The following MICU2 variants were observed in gnomAD, a reference collection of about 807,000 sequenced individuals.
The protein encoded by MICU2 is calcium uptake protein 2, mitochondrial.
In MICU2, 64 loss-of-function variants were observed where a neutral mutation model predicts 60.4. The ratio of observed to expected loss-of-function variants is 1.06; its 90% CI spans 0.87 to 1.31. The LOEUF (loss-of-function observed/expected upper bound fraction) is 1.31, where lower values mean the gene tolerates loss of function less well. Ranked by LOEUF, MICU2 falls within the 50% of genes most tolerant of loss-of-function variation. MICU2 has a pLI of 0.00. For synonymous variants in MICU2, 201 were observed against 175.0 expected, an observed-to-expected ratio of 1.15 and a Z score of -1.17; for missense variants, 569 against 531.0, an observed-to-expected ratio of 1.07 and a Z score of -0.70.
intron 1 of MICU2, among the ~76,000 whole-genome samples, chr13:21,600,048 A>G (rs932902469): frequency 4.6e-5 from 7 of 152,236 alleles, no homozygotes; most frequent in Non-Finnish European, 7.3e-5. Flanking sequence ...AATTTTGTCA[A>G]TGAAAACAAA....
At chr13:21,551,714 T>C (rs2138019609) in intron 2 of MICU2, among the ~76,000 whole-genome samples, 1 of 151,782 alleles carries the variant, frequency 6.6e-6, no homozygotes, top group Non-Finnish European at 1.5e-5. Flanking sequence ...TGCGATAGTT[T>C]GCTGAGAATG....
At chr13:21,507,665 G>A (rs538875273) in intron 8 of MICU2, among the ~76,000 whole-genome samples, 56 of 149,646 alleles carry the variant, frequency 3.7e-4, no homozygotes, top group Middle Eastern at 3.4e-3. Context: ...GTGCAGTGGC[G>A]CAGTCTTGGC....
intron 1 of MICU2, among the ~76,000 whole-genome samples, chr13:21,568,309 A>G (rs2138041794): frequency 6.6e-6 from 1 of 152,320 alleles, no homozygotes; most frequent in South Asian, 2.1e-4. Context: ...TTCCTTGAGC[A>G]GCTAGTTTTA....
intron 1 of MICU2, among the ~76,000 whole-genome samples, chr13:21,575,092 A>T (rs984148244): frequency 6.6e-6 from 1 of 152,200 alleles, no homozygotes; most frequent in Non-Finnish European, 1.5e-5. Context: ...ACTTTGTCCC[A>T]GAGACTGGAA....
chr13:21,560,905 G>T (rs1157468991), intron 2 of MICU2, among the ~76,000 whole-genome samples: 1 of 152,150 alleles, frequency 6.6e-6, no homozygotes, highest in Non-Finnish European at 1.5e-5. Flanking sequence ...GACTGGTCCT[G>T]TAAGGTTTTA....
intron 2 of MICU2, among the ~76,000 whole-genome samples, chr13:21,547,231 T>G (rs1887438615): frequency 6.6e-6 from 1 of 152,180 alleles, no homozygotes; most frequent in African/African-American, 2.4e-5. Context: ...AGGCTCCACT[T>G]TTGATGGGGA....
At chr13:21,519,846 T>G (rs1357861895) in intron 6 of MICU2, among the ~76,000 whole-genome samples, 2 of 152,224 alleles carry the variant, frequency 1.3e-5, no homozygotes, top group African/African-American at 4.8e-5. Flanking sequence ...GGATTTGGAA[T>G]CAATTTGTAT....
At chr13:21,572,035 T>A (rs750273217) in intron 1 of MICU2, among the ~76,000 whole-genome samples, 1 of 152,194 alleles carries the variant, frequency 6.6e-6, no homozygotes, top group Non-Finnish European at 1.5e-5. Flanking sequence ...GATTCAGCAC[T>A]CTTAATCTAC....
Position 21,573,159 on chromosome 13 carries a change from T to C in MICU2, c.211-6215A>G, listed in dbSNP as rs948931407. On this transcript the variant is annotated intron_variant, in intron 1 of 11. Transcript: ENST00000382374. Reference sequence around the variant, plus strand: ...AATAGAGCTGTGAGTGGAGACGTAGTCTTTCAGAAAAATAAAGGTAGACAG... The same window carrying C: ...AATAGAGCTGTGAGTGGAGACGTAGCCTTTCAGAAAAATAAAGGTAGACAG... Among the ~76,000 whole-genome samples the C allele has an allele frequency of 3.9e-5, 6 of 152,356 alleles. No individual in the cohort carries two copies. The East Asian group carries it at 9.6e-4, about 24-fold the overall frequency.
chr13:21,600,550 T>C (rs551705694), intron 1 of MICU2, among the ~76,000 whole-genome samples: 1 of 152,202 alleles, frequency 6.6e-6, no homozygotes, highest in Non-Finnish European at 1.5e-5. Flanking sequence ...CCTGGCATAT[T>C]GTCTAGCACA....
intron 2 of MICU2, among the ~76,000 whole-genome samples, chr13:21,542,591 C>G (rs559658146): frequency 6.6e-6 from 1 of 152,154 alleles, no homozygotes; most frequent in South Asian, 2.1e-4. Flanking sequence ...GAAAAAAGAT[C>G]TAGAATTGAG....
chr13:21,521,407 C>T (rs1277322836), intron 5 of MICU2, 80 bp from the exon 6 acceptor site: 2 of 1,054,586 alleles, frequency 1.9e-6, no homozygotes, highest in Non-Finnish European at 2.8e-6. Context: ...TCAAATTTGA[C>T]ATACACTAGC....
At chr13:21,568,282 T>G (rs1002650380) in intron 1 of MICU2, among the ~76,000 whole-genome samples, 5 of 152,324 alleles carry the variant, frequency 3.3e-5, no homozygotes, top group Middle Eastern at 6.8e-3. Context: ...ATTCTCTCTC[T>G]TAATTAGACA....
chr13:21,592,617 A>C (rs1352025732), intron 1 of MICU2, among the ~76,000 whole-genome samples: 4 of 152,238 alleles, frequency 2.6e-5, no homozygotes, highest in African/African-American at 9.6e-5. Context: ...CCTCAATAAA[A>C]CACTGGCAAA....
chr13:21,508,009 T>C (rs1886332955), intron 8 of MICU2, among the ~76,000 whole-genome samples: 1 of 152,038 alleles, frequency 6.6e-6, no homozygotes, highest in East Asian at 1.9e-4. Context: ...TTTCATGCAT[T>C]CTTCTTCGTT....
At chr13:21,539,599 A>T in intron 3 of MICU2, 58 bp downstream of exon 3, 1 of 1,610,846 alleles carries the variant, frequency 6.2e-7, no homozygotes, top group Non-Finnish European at 8.5e-7. Context: ...TGCCCGGCCA[A>T]AAGTTCATTT....
chr13:21,583,474 T>G (rs1046550557), intron 1 of MICU2, among the ~76,000 whole-genome samples: 2 of 152,228 alleles, frequency 1.3e-5, no homozygotes, highest in Admixed American at 1.3e-4. Context: ...TATCTTACAC[T>G]TGGTATGTCT....
chr13:21,597,539 T>C (rs939574736), intron 1 of MICU2, among the ~76,000 whole-genome samples: 4 of 152,200 alleles, frequency 2.6e-5, no homozygotes, highest in African/African-American at 7.2e-5. Context: ...TGATGTGACA[T>C]TATGTGACTG....
Position 21,533,324 on chromosome 13 carries a change from A to ATT in MICU2, c.466+5976_466+5977dup, listed in dbSNP as rs35509976. 2.3e-3 allele frequency among the ~76,000 whole-genome samples: 314 copies of ATT among 138,348 alleles called. 4 individuals carry two copies. The highest frequency in any genetic ancestry group is 5.1e-3 in the African/African-American group (189 of 37,422). 90.8% of individuals were successfully genotyped at this position (138,348 alleles called of 152,430 possible). On this transcript the variant is annotated intron_variant, in intron 4 of 11. Coordinates refer to ENST00000382374, the MANE Select transcript of MICU2 (RefSeq NM_152726.3). Reference sequence around the variant, plus strand: ...TTGTAATCAATAGTAAGGCAGCGCAATTTTTTTTTTTTTTTTTGAGGCAGA... The same window carrying ATT: ...TTGTAATCAATAGTAAGGCAGCGCAATTTTTTTTTTTTTTTTTTTGAGGCAGA...
Sources: gnomAD v4.1 joint callset for allele counts (sites outside exome capture counted in the v4.1 genomes callset) on GRCh38, gnomAD v4.1.1 for gene constraint, MANE v1.5 for transcripts, NCBI Gene and HGNC (gene_info 2026-07-23, HGNC 2026-07-21) for gene names.